The following ZDHHC14 variants were observed in gnomAD, a reference collection of about 807,000 sequenced individuals.
The protein encoded by ZDHHC14 is palmitoyltransferase ZDHHC14.
In ZDHHC14, 16 loss-of-function variants were observed where a neutral mutation model predicts 47.7. That is an observed-to-expected ratio of 0.34 (90% CI 0.23 to 0.51). The LOEUF is 0.51. ZDHHC14 is among the 20% of genes least tolerant of loss of function. The probability of loss-of-function intolerance (pLI) is 0.97; values close to 1 mark genes in which losing one functional copy is unlikely to be tolerated. For missense variants in ZDHHC14, 515 were observed against 662.5 expected (o/e 0.78, Z 2.44); for synonymous variants, 293 against 278.9 (o/e 1.05, Z -0.50).
At chr6:157,556,731 G>A (rs1157368459) in intron 2 of ZDHHC14, among the ~76,000 whole-genome samples, 1 of 152,234 alleles carries the variant, frequency 6.6e-6, no homozygotes, top group Non-Finnish European at 1.5e-5. Flanking sequence ...GCTGGAACAG[G>A]GGACACGAGG....
chr6:157,601,080 G>T (rs571874496), intron 3 of ZDHHC14, among the ~76,000 whole-genome samples: 1 of 152,200 alleles, frequency 6.6e-6, no homozygotes, highest in African/African-American at 2.4e-5. Context: ...TGGCCGCAGC[G>T]CACGGGGCTC....
intron 2 of ZDHHC14, among the ~76,000 whole-genome samples, chr6:157,548,472 A>G (rs9457757): frequency 0.67 from 101,640 of 151,968 alleles, 34,832 homozygotes; most frequent in African/African-American, 0.83. Context: ...TTGAGACTGA[A>G]TTTTGCTCCT....
At position 157,586,652 on chromosome 6, in the gene ZDHHC14, C is replaced by G. The variant is rs372762652; in HGVS notation, c.407-6336C>G. ...TTGCTGTGCTCATCAGACAGCCCAG[C>G]AGAGCCCTCCCAGGACCCCAGCGGC... is the stretch of plus-strand genomic sequence containing the variant. On this transcript the variant is annotated intron_variant, in intron 2 of 8. Coordinates refer to ENST00000359775, the MANE Select transcript of ZDHHC14 (RefSeq NM_024630.3). This position sits in a 1 kb window ranked among gnomAD's most constrained non-coding sequence, Gnocchi z 4.6. 3.3e-5 allele frequency among the ~76,000 whole-genome samples: 5 copies of G among 152,158 alleles called. No individual in the cohort carries two copies. The highest frequency in any genetic ancestry group is 1.2e-4 in the African/African-American group (5 of 41,438).
At chr6:157,464,894 G>A (rs1779170400) in intron 1 of ZDHHC14, among the ~76,000 whole-genome samples, 1 of 152,110 alleles carries the variant, frequency 6.6e-6, no homozygotes, top group Non-Finnish European at 1.5e-5. Context: ...GCTCAGGGCG[G>A]GCCAGCTGTG....
intron 1 of ZDHHC14, among the ~76,000 whole-genome samples, chr6:157,458,858 T>TC (rs1227317205): frequency 7.4e-6 from 1 of 135,380 alleles, no homozygotes; most frequent in African/African-American, 2.7e-5. Flanking sequence ...GATTTTTTTT[T>TC]TTTTTTTTTT....
chr6:157,442,635 G>A (rs925876932), intron 1 of ZDHHC14, among the ~76,000 whole-genome samples: 1 of 152,180 alleles, frequency 6.6e-6, no homozygotes, highest in African/African-American at 2.4e-5. Context: ...TTGCCTGGGC[G>A]ATTTTCTCCT....
intron 3 of ZDHHC14, among the ~76,000 whole-genome samples, 170 bp downstream of exon 3, chr6:157,593,316 TC>T (rs1783992104): frequency 6.6e-6 from 1 of 152,118 alleles, no homozygotes; most frequent in African/African-American, 2.4e-5. Context: ...TCTTTTTTAT[TC>T]TCTTTACACC....
At chr6:157,603,890 A>G (rs891810125) in intron 3 of ZDHHC14, among the ~76,000 whole-genome samples, 1 of 152,202 alleles carries the variant, frequency 6.6e-6, no homozygotes, top group Non-Finnish European at 1.5e-5. Context: ...GGCACACAAC[A>G]TGTCAGTGGG....
chr6:157,387,531 G>A (rs976049065), intron 1 of ZDHHC14, among the ~76,000 whole-genome samples: 1 of 152,140 alleles, frequency 6.6e-6, no homozygotes, highest in African/African-American at 2.4e-5. Context: ...AGAACACCAT[G>A]GGGTTGATAC....
chr6:157,551,815 T>C (rs1410732977), intron 2 of ZDHHC14, among the ~76,000 whole-genome samples: 2 of 152,234 alleles, frequency 1.3e-5, no homozygotes, highest in Admixed American at 6.5e-5. Context: ...GTGAGATAAA[T>C]AGCGTCTTAT....
chr6:157,667,984 A>G (rs961377392), intron 8 of ZDHHC14, among the ~76,000 whole-genome samples: 1 of 152,214 alleles, frequency 6.6e-6, no homozygotes, highest in African/African-American at 2.4e-5. Context: ...CTGAGCCAAC[A>G]GGAGATTTAG....
At chr6:157,445,079 G>T (rs1435714065) in intron 1 of ZDHHC14, among the ~76,000 whole-genome samples, 2 of 147,746 alleles carry the variant, frequency 1.4e-5, no homozygotes, top group Non-Finnish European at 3.0e-5. Flanking sequence ...GGTGACTCTG[G>T]CATGGGTCTT....
intron 3 of ZDHHC14, among the ~76,000 whole-genome samples, chr6:157,593,994 CA>C (rs1020710272): frequency 2.6e-5 from 4 of 152,174 alleles, no homozygotes; most frequent in African/African-American, 9.7e-5. Context: ...CGGAAGTGAC[CA>C]GGGGTATTCC....
At chr6:157,430,768 C>T (rs1778323708) in intron 1 of ZDHHC14, among the ~76,000 whole-genome samples, 1 of 152,260 alleles carries the variant, frequency 6.6e-6, no homozygotes, top group Non-Finnish European at 1.5e-5. Context: ...GACCACTATT[C>T]TGCCTACTGC....
At chr6:157,568,726 A>G (rs1782997029) in intron 2 of ZDHHC14, among the ~76,000 whole-genome samples, 1 of 152,222 alleles carries the variant, frequency 6.6e-6, no homozygotes, top group South Asian at 2.1e-4. Context: ...CTAAGGCTGT[A>G]TAAATTTATA....
intron 1 of ZDHHC14, among the ~76,000 whole-genome samples, chr6:157,401,555 G>A (rs1313992636): frequency 4.0e-5 from 6 of 151,058 alleles, no homozygotes; most frequent in African/African-American, 1.2e-4. Flanking sequence ...ATGCGCTCCT[G>A]CTGAGGTCTC....
At chr6:157,490,995 A>G (rs916338819) in intron 1 of ZDHHC14, among the ~76,000 whole-genome samples, 40 of 152,186 alleles carry the variant, frequency 2.6e-4, no homozygotes, top group African/African-American at 8.7e-4. Flanking sequence ...TTAGGGAGGG[A>G]AGGGGGAGGA....
At chr6:157,663,816 C>A (rs1004160941) in intron 8 of ZDHHC14, among the ~76,000 whole-genome samples, 1 of 152,172 alleles carries the variant, frequency 6.6e-6, no homozygotes, top group Admixed American at 6.5e-5. Context: ...ATGGACATAC[C>A]ACATGCTGTT....
intron 8 of ZDHHC14, among the ~76,000 whole-genome samples, chr6:157,669,642 G>C (rs1778704180): frequency 6.6e-6 from 1 of 152,252 alleles, no homozygotes; most frequent in African/African-American, 2.4e-5. Flanking sequence ...CAGGTCAACA[G>C]AGACAAGCAA....
Sources: gnomAD v4.1 joint callset for allele counts (sites outside exome capture counted in the v4.1 genomes callset) on GRCh38, gnomAD v4.1.1 for gene constraint, Gnocchi (gnomAD v3.1) non-coding constraint, MANE v1.5 for transcripts, NCBI Gene and HGNC (gene_info 2026-07-23, HGNC 2026-07-21) for gene names.